Variants in RMND5A observed in about 807,000 individuals in gnomAD.
RMND5A encodes required for meiotic nuclear division 5 homolog A.
Under a neutral mutation model 49.7 loss-of-function variants are expected in RMND5A, and 17 were observed. The ratio of observed to expected loss-of-function variants is 0.34; its 90% CI spans 0.23 to 0.51. The LOEUF (loss-of-function observed/expected upper bound fraction) is 0.51. Among genes scored for constraint, RMND5A ranks in the 20% least tolerant of loss-of-function variants. RMND5A has a pLI of 0.96. For synonymous variants in RMND5A, 156 were observed against 167.7 expected (o/e 0.93, Z 0.54); for missense variants, 255 against 471.3 (o/e 0.54, Z 4.25).
chr2:86,768,283 A>G (rs898023433), intron 6 of RMND5A, among the ~76,000 whole-genome samples: 2 of 152,246 alleles, frequency 1.3e-5, no homozygotes, highest in African/African-American at 4.8e-5. Context: ...TCTTCTATTC[A>G]TTTAATTCCA....
At chr2:86,769,160 G>T (rs1672647156) in intron 6 of RMND5A, among the ~76,000 whole-genome samples, 1 of 152,034 alleles carries the variant, frequency 6.6e-6, no homozygotes. Flanking sequence ...TTCCCAGGCT[G>T]GTCTCAAACT....
chr2:86,770,029 A>T lies in RMND5A; in HGVS notation c.861A>T (p.Ser287=), dbSNP rs756068532. Residue 287 remains serine (S), a synonymous_variant, in exon 7 of 9, where the codon TCA becomes TCT. Transcript: ENST00000283632. ...TCCTCTTCTGCTCTCCCAGTTTCTC[A>T]GCAGGTTGTGTGGCGCTGCCAGCTT... ...SVESPLSVSF[S]AGCVALPALI... 1.9e-6 allele frequency: 3 copies of T among 1,613,514 alleles called. No homozygotes were observed. The South Asian group carries it at 3.3e-5, about 18-fold the overall frequency.
chr2:86,762,541 A>G (rs1294945399), intron 4 of RMND5A, among the ~76,000 whole-genome samples: 2 of 151,856 alleles, frequency 1.3e-5, no homozygotes, highest in Non-Finnish European at 2.9e-5. Flanking sequence ...CCTACTTGGG[A>G]GGCCGAGGCA....
rs191247545 is a variant in RMND5A, at chr2:86,729,000, C to T, written c.142+8191C>T. ...CGATCTCTTGACCTCGTAATCTGCC[C>T]GCCTTGGCCTCCCAAAGTGCTAGGA... is the stretch of plus-strand genomic sequence containing the variant. On this transcript the variant is annotated intron_variant, in intron 1 of 8. Transcript: ENST00000283632. Among the ~76,000 whole-genome samples the T allele has an allele frequency of 1.9e-3, 279 of 146,050 alleles. 1 individual carries two copies. The highest frequency in any genetic ancestry group is 6.6e-3 in the African/African-American group (244 of 36,972).
intron 5 of RMND5A, 194 bp downstream of exon 5, chr2:86,765,387 C>G: frequency 2.1e-6 from 1 of 481,646 alleles, no homozygotes; most frequent in Non-Finnish European, 3.6e-6. Context: ...AGAGATGTTG[C>G]AGATTTTGGA....
rs1193 is a variant in RMND5A at position 86,775,106 on chromosome 2, C to T, written c.*1695C>T. ...GTCCAACCTCAGTCTGGCCCCATAG[C>T]GACTTTTGCCCCATGATTCTGCTTC... On this transcript the variant is annotated 3_prime_UTR_variant, in exon 9 of 9. Transcript: ENST00000283632. 103,788 of 152,304 alleles carry T rather than the reference C, an allele frequency of 0.68. 35,548 individuals carry two copies. Among genetic ancestry groups the T allele is most frequent in the East Asian group, 0.91 (4,678 of 5,152 alleles). The allele number at this position is 152,304 out of a possible 1,614,324, so 9.4% of individuals were successfully genotyped here.
intron 6 of RMND5A, among the ~76,000 whole-genome samples, chr2:86,768,277 C>T (rs1328288083): frequency 6.6e-6 from 1 of 152,216 alleles, no homozygotes; most frequent in Non-Finnish European, 1.5e-5. Flanking sequence ...TTTAGCTCTT[C>T]TATTCATTTA....
intron 4 of RMND5A, among the ~76,000 whole-genome samples, chr2:86,759,664 G>A (rs1017071851): frequency 3.3e-5 from 5 of 149,944 alleles, no homozygotes; most frequent in Non-Finnish European, 7.4e-5. Context: ...GCCAGGCGCG[G>A]TGGTGAGCAC....
At chr2:86,734,420 C>CTCTT in intron 1 of RMND5A, among the ~76,000 whole-genome samples, 1 of 148,654 alleles carries the variant, frequency 6.7e-6, no homozygotes, top group South Asian at 2.1e-4. Context: ...TCTAGGTGAC[C>CTCTT]TCTTTCCTCC....
At chr2:86,725,354 A>G (rs1329000810) in intron 1 of RMND5A, among the ~76,000 whole-genome samples, 1 of 143,990 alleles carries the variant, frequency 6.9e-6, no homozygotes, top group African/African-American at 2.6e-5. Context: ...CTGGTTGCCC[A>G]CTTCACAGAC....
rs572338144 is a variant in RMND5A at position 86,777,114 on chromosome 2, T to C, written c.*3703T>C. 6.6e-6 allele frequency: 1 copy of C among 152,312 alleles called. No individual in the cohort carries two copies. Among genetic ancestry groups the C allele is most frequent in the East Asian group, 1.9e-4 (1 of 5,194 alleles). 9.4% of individuals were successfully genotyped at this position (152,312 alleles called of 1,614,324 possible). ...CCACTGTTGATTTTACTTCAAGACA[T>C]AGCAAGAGAAACAAAATTTTGTTTT... is the stretch of plus-strand genomic sequence containing the variant. On this transcript the variant is annotated 3_prime_UTR_variant, in exon 9 of 9. Coordinates refer to ENST00000283632, the MANE Select transcript of RMND5A (RefSeq NM_022780.4).
intron 1 of RMND5A, among the ~76,000 whole-genome samples, chr2:86,728,059 A>G (rs1194346539): frequency 1.2e-5 from 1 of 85,168 alleles, no homozygotes; most frequent in Non-Finnish European, 2.4e-5. Flanking sequence ...GCTGTGTGTT[A>G]TTTATGATGA....
chr2:86,763,443 G>GTTGAT (rs1233012429), intron 4 of RMND5A, among the ~76,000 whole-genome samples: 1 of 152,154 alleles, frequency 6.6e-6, no homozygotes, highest in African/African-American at 2.4e-5. Context: ...TGTTGGTACT[G>GTTGAT]TTGATTGATG....
chr2:86,757,324 C>T (rs542404041), intron 4 of RMND5A, among the ~76,000 whole-genome samples: 8 of 152,194 alleles, frequency 5.3e-5, no homozygotes, highest in Admixed American at 2.6e-4. Context: ...TCCTGTGTTC[C>T]GTGCCCTTGT....
At chr2:86,770,869 C>G (rs1672674664) in intron 7 of RMND5A, among the ~76,000 whole-genome samples, 1 of 152,222 alleles carries the variant, frequency 6.6e-6, no homozygotes, top group Non-Finnish European at 1.5e-5. Flanking sequence ...AGGTCTCTGA[C>G]AGGCACTGAG....
intron 4 of RMND5A, among the ~76,000 whole-genome samples, chr2:86,756,891 A>C (rs1681748625): frequency 6.6e-6 from 1 of 152,128 alleles, no homozygotes; most frequent in Non-Finnish European, 1.5e-5. Context: ...TGAGGTGGCT[A>C]GGCCGGGCAC....
At chr2:86,744,869 T>A (rs1268649433) in intron 2 of RMND5A, among the ~76,000 whole-genome samples, 3 of 152,092 alleles carry the variant, frequency 2.0e-5, no homozygotes, top group South Asian at 2.1e-4. Flanking sequence ...ATTTTTTTCA[T>A]TTTTGCGTAG....
In RMND5A at chr2:86,772,061, CATT is replaced by C. The variant is rs375560843; in HGVS notation, c.1112+353_1112+355del. Among the ~76,000 whole-genome samples the C allele has an allele frequency of 4.7e-4, 71 of 152,256 alleles. 1 individual carries two copies. Among genetic ancestry groups the C allele is most frequent in the African/African-American group, 1.7e-3 (70 of 41,544 alleles). ...TTTTCTGTGCTGCAGAAACAGCCCTCATTATTTTTTTGTTAAAGCTGCAGTATA... is the reference window on the plus strand; with the variant it reads ...TTTTCTGTGCTGCAGAAACAGCCCTCATTTTTTTGTTAAAGCTGCAGTATA... On this transcript the variant is annotated intron_variant, in intron 8 of 8. Coordinates refer to ENST00000283632, the MANE Select transcript of RMND5A (RefSeq NM_022780.4).
At chr2:86,764,972 T>G in intron 4 of RMND5A, 55 bp from the exon 5 acceptor site, 2 of 1,528,870 alleles carry the variant, frequency 1.3e-6, no homozygotes, top group Non-Finnish European at 1.8e-6. Flanking sequence ...AAATAGTTTT[T>G]AAGACACCTT....
Sources: gnomAD v4.1 joint callset for allele counts (sites outside exome capture counted in the v4.1 genomes callset) on GRCh38, gnomAD v4.1.1 for gene constraint, MANE v1.5 for transcripts, NCBI Gene and HGNC (gene_info 2026-07-23, HGNC 2026-07-21) for gene names.